The following RAB3IL1 variants were observed in gnomAD, a reference collection of about 807,000 sequenced individuals.
RAB3IL1 encodes RAB3A interacting protein like 1, also known as guanine nucleotide exchange factor for Rab-3A.
RAB3IL1 carries 37 observed loss-of-function variants against 49.2 expected under a neutral mutation model. The observed-to-expected ratio is 0.75, with a 90% CI of 0.58 to 0.99. The LOEUF (loss-of-function observed/expected upper bound fraction) is 0.99, where lower values mean the gene tolerates loss of function less well. Among genes scored for constraint, RAB3IL1 ranks in the 50% least tolerant of loss-of-function variants. RAB3IL1 has a pLI of 0.00. For missense variants in RAB3IL1, 484 were observed against 513.0 expected, an observed-to-expected ratio of 0.94 and a Z score of 0.55; for synonymous variants, 193 against 213.9, an observed-to-expected ratio of 0.90 and a Z score of 0.85.
rs780548018 is a variant in RAB3IL1, at chr11:61,904,546, T to A, written c.899A>T (p.Asn300Ile). The change falls in exon 7 of 10, where the codon AAC (asparagine) becomes ATC (isoleucine). Residue 300 changes from asparagine (N) to isoleucine (I), a missense_variant and splice_region_variant. Transcript: ENST00000394836. ...GAAGGAGCTAAGACCCTCAGCTTAC[T>A]TGGTGCTGCTACAGTCAACCTCGGC... Reference protein sequence around the residue: ...KVAEVDCSSTNTCALSGLTRT... With the variant: ...KVAEVDCSSTITCALSGLTRT... The A allele has an allele frequency of 3.1e-6, 5 of 1,605,914 alleles. No homozygotes were observed. The highest frequency in any genetic ancestry group is 4.3e-6 in the Non-Finnish European group (5 of 1,175,978).
the RAB3IL1 span, among the ~76,000 whole-genome samples, chr11:61,938,971 A>G: frequency 6.6e-6 from 1 of 151,740 alleles, no homozygotes; most frequent in Non-Finnish European, 1.5e-5. Flanking sequence ...AAATAAAAAG[A>G]ATAGTTGGAA....
At chr11:61,937,333 G>T in the RAB3IL1 span, among the ~76,000 whole-genome samples, 1 of 152,012 alleles carries the variant, frequency 6.6e-6, no homozygotes, top group South Asian at 2.1e-4. Flanking sequence ...TTGAGACCAG[G>T]TCTTGCTCTG....
intron 4 of RAB3IL1, 109 bp downstream of exon 4, chr11:61,907,284 C>T: frequency 8.4e-7 from 1 of 1,189,432 alleles, no homozygotes; most frequent in South Asian, 1.3e-5. Flanking sequence ...TCCTGCTGGC[C>T]CCACCGGGCC....
the RAB3IL1 span, among the ~76,000 whole-genome samples, chr11:61,938,947 A>G: frequency 6.6e-6 from 1 of 151,582 alleles, no homozygotes; most frequent in Admixed American, 6.6e-5. Context: ...AAAGTAATAA[A>G]TAAATAAATA....
chr11:61,923,306 A>T (rs1291474000), upstream of RAB3IL1, among the ~76,000 whole-genome samples: 3 of 152,346 alleles, frequency 2.0e-5, no homozygotes, highest in Admixed American at 2.0e-4. Flanking sequence ...AGTCACAGCA[A>T]GAAGCAGCCA....
intron 8 of RAB3IL1, 40 bp downstream of exon 8, chr11:61,902,402 C>A (rs1456598349): frequency 6.5e-7 from 1 of 1,542,236 alleles, no homozygotes; most frequent in Admixed American, 2.0e-5. Context: ...ACCCAGGTGG[C>A]CCCAAAGGAG....
At chr11:61,910,007 G>A (rs666870) in intron 1 of RAB3IL1, among the ~76,000 whole-genome samples, 45,926 of 152,108 alleles carry the variant, frequency 0.3, 8,295 homozygotes, top group Non-Finnish European at 0.42. Flanking sequence ...GTGACAGAGC[G>A]AAACTCTGTC....
intron 8 of RAB3IL1, 132 bp downstream of exon 8, chr11:61,902,310 T>C: frequency 1.3e-6 from 1 of 797,938 alleles, no homozygotes; most frequent in Non-Finnish European, 2.0e-6. Context: ...AAAGACTCTG[T>C]CTCAAAAAAT....
chr11:61,926,537 G>A, the RAB3IL1 span, among the ~76,000 whole-genome samples: 1 of 152,098 alleles, frequency 6.6e-6, no homozygotes, highest in Non-Finnish European at 1.5e-5. Context: ...CCCTCCCTGT[G>A]GTAATGAGTT....
At chr11:61,912,137 G>A (rs921577795) in intron 1 of RAB3IL1, among the ~76,000 whole-genome samples, 2 of 152,238 alleles carry the variant, frequency 1.3e-5, no homozygotes, top group African/African-American at 4.8e-5. Flanking sequence ...GGACAGCAAG[G>A]GTGGTTCTGA....
rs761630425 is a variant in RAB3IL1 at position 61,906,635 on chromosome 11, G to A, written c.488C>T (p.Thr163Met). The change falls in exon 5 of 10, where the codon ACG (threonine) becomes ATG (methionine). Residue 163 changes from threonine to methionine, a missense_variant. Physicochemically the swap from Thr to Met is moderately conservative, Grantham distance 81. Transcript: ENST00000394836. This position sits in a 1 kb window ranked among gnomAD's most constrained non-coding sequence, Gnocchi z 4.6. ...EVTALKTLVI[T>M]STPASPNREL... ...GCGGTTGGGAGAGGCTGGTGTGGAC[G>A]TGATGACCAGCGTCTTCAAGGCTGT... 17 of 1,611,252 alleles carry A rather than the reference G, an allele frequency of 1.1e-5. No homozygotes were observed. The highest frequency in any genetic ancestry group is 3.3e-5 in the South Asian group (3 of 90,518).
chr11:61,943,617 C>T, the RAB3IL1 span, among the ~76,000 whole-genome samples: 8 of 152,060 alleles, frequency 5.3e-5, no homozygotes, highest in Admixed American at 2.0e-4. Context: ...CTAACAACAA[C>T]AAGAAGGCAA....
the RAB3IL1 span, among the ~76,000 whole-genome samples, chr11:61,944,929 G>A: frequency 6.6e-6 from 1 of 152,168 alleles, no homozygotes; most frequent in Non-Finnish European, 1.5e-5. Flanking sequence ...TTGAATTCCT[G>A]ACCTCCCGTG....
upstream of RAB3IL1, chr11:61,920,347 C>A: frequency 1.0e-6 from 1 of 987,486 alleles, no homozygotes; most frequent in Non-Finnish European, 1.3e-6. Context: ...AGGACAGCCG[C>A]TATCTCCTTC....
chr11:61,904,932 G>C, intron 5 of RAB3IL1, 50 bp from the exon 6 acceptor site: 3 of 1,408,034 alleles, frequency 2.1e-6, no homozygotes, highest in Non-Finnish European at 2.9e-6. Flanking sequence ...ACTGGGGCCA[G>C]CATAGAAGAT....
chr11:61,922,094 A>G (rs1039439079), upstream of RAB3IL1, among the ~76,000 whole-genome samples: 5 of 152,204 alleles, frequency 3.3e-5, no homozygotes, highest in African/African-American at 9.6e-5. Flanking sequence ...CTGTAGTCCC[A>G]GCTACTCGGG....
upstream of RAB3IL1, among the ~76,000 whole-genome samples, chr11:61,919,450 C>T (rs1411906129): frequency 1.3e-5 from 2 of 152,202 alleles, no homozygotes; most frequent in East Asian, 1.9e-4. Context: ...TGAACTTGCT[C>T]CTCAGTTGAA....
intron 1 of RAB3IL1, among the ~76,000 whole-genome samples, chr11:61,917,060 C>T (rs1939725457): frequency 6.6e-6 from 1 of 152,170 alleles, no homozygotes; most frequent in African/African-American, 2.4e-5. Flanking sequence ...GAGTCGTGCA[C>T]ACTCTTCCCC....
chr11:61,943,286 T>C, the RAB3IL1 span, among the ~76,000 whole-genome samples: 1 of 152,164 alleles, frequency 6.6e-6, no homozygotes, highest in African/African-American at 2.4e-5. Flanking sequence ...GATAGCTACA[T>C]GCAAAAGAAG....
Sources: gnomAD v4.1 joint callset for allele counts (sites outside exome capture counted in the v4.1 genomes callset) on GRCh38, gnomAD v4.1.1 for gene constraint, Gnocchi (gnomAD v3.1) non-coding constraint, MANE v1.5 for transcripts, NCBI Gene and HGNC (gene_info 2026-07-23, HGNC 2026-07-21) for gene names.